COL11A1: variants seen among roughly 807,000 people sequenced by gnomAD.
COL11A1 encodes the protein collagen type XI alpha 1 chain.
In COL11A1, 74 loss-of-function variants were observed where a neutral mutation model predicts 265.2. The observed-to-expected ratio is 0.28, with a 90% CI of 0.23 to 0.34. The LOEUF (loss-of-function observed/expected upper bound fraction) is 0.34. Among genes scored for constraint, COL11A1 ranks in the 10% least tolerant of loss-of-function variants. The pLI is 1.00. For synonymous variants in COL11A1, 816 were observed against 727.6 expected, an observed-to-expected ratio of 1.12 and a Z score of -1.96; for missense variants, 2,165 against 2,263.6, an observed-to-expected ratio of 0.96 and a Z score of 0.88.
At position 103,082,826 on chromosome 1, in the gene COL11A1, G is replaced by A; in HGVS notation, c.253C>T (p.Pro85Ser). The change falls in exon 2 of 67, where the codon CCA becomes TCA. Residue 85 changes from proline (P) to serine (S), a missense_variant. Pro to Ser is a moderately conservative substitution (Grantham distance 74). Transcript: ENST00000370096. ...ATACCTGGAAATAACTGTTTTGTTG[G>A]GGCACTGAGTTGTGCTTGCTTTGAA... is the stretch of plus-strand genomic sequence containing the variant. The part of the protein sequence containing the change: ...RVSKQAQLSA[P>S]TKQLFPGGTF... The A allele has an allele frequency of 6.2e-7, 1 of 1,613,062 alleles. No individual in the cohort carries two copies. The highest frequency in any genetic ancestry group is 8.5e-7 in the Non-Finnish European group (1 of 1,179,374).
intron 65 of COL11A1, 44 bp from the exon 66 acceptor site, chr1:102,879,960 CT>C (rs747499113): frequency 1.6e-6 from 2 of 1,263,474 alleles, no homozygotes; most frequent in East Asian, 2.3e-5. Flanking sequence ...CTCTTTTCCT[CT>C]TTTATGCTAC....
At chr1:102,901,407 G>C (rs1248710340) in intron 54 of COL11A1, among the ~76,000 whole-genome samples, 2 of 151,444 alleles carry the variant, frequency 1.3e-5, no homozygotes, top group African/African-American at 4.9e-5. Context: ...GTATGACACT[G>C]CAACAAGGCC....
intron 4 of COL11A1, among the ~76,000 whole-genome samples, chr1:103,038,181 G>A (rs571728849): frequency 1.6e-4 from 25 of 152,294 alleles, no homozygotes; most frequent in African/African-American, 6.0e-4. Flanking sequence ...CAGAGACGTA[G>A]GTCAGGTGTA....
At chr1:102,942,093 G>C (rs550560262) in intron 42 of COL11A1, among the ~76,000 whole-genome samples, 25 of 152,070 alleles carry the variant, frequency 1.6e-4, no homozygotes, top group Non-Finnish European at 3.4e-4. Flanking sequence ...TGTCACTCTG[G>C]AGACCTTTTA....
At chr1:103,002,084 A>G in intron 23 of COL11A1, 115 bp from the exon 24 acceptor site, 2 of 887,214 alleles carry the variant, frequency 2.3e-6, no homozygotes, top group Non-Finnish European at 3.7e-6. Context: ...ATCTGTATAT[A>G]TTCCCATACA....
At chr1:102,894,952 T>C (rs1652236534) in intron 57 of COL11A1, among the ~76,000 whole-genome samples, 1 of 152,118 alleles carries the variant, frequency 6.6e-6, no homozygotes, top group Non-Finnish European at 1.5e-5. Context: ...TTATGTGCTA[T>C]TTGTCAATCT....
At chr1:102,929,683 A>G (rs1412948499) in intron 46 of COL11A1, among the ~76,000 whole-genome samples, 1 of 151,990 alleles carries the variant, frequency 6.6e-6, no homozygotes, top group Non-Finnish European at 1.5e-5. Flanking sequence ...TACCTTGGGC[A>G]GTATGGCCAT....
chr1:102,913,641 T>G lies in COL11A1; in HGVS notation c.4028A>C (p.Gln1343Pro), dbSNP rs145997317. Residue 1343 changes from glutamine to proline, a missense_variant, in exon 53 of 67, where the codon CAA becomes CCA. Physicochemically the swap from Gln to Pro is moderately conservative, Grantham distance 76 (BLOSUM62 -1). Transcript: ENST00000370096. ...GDKGEDGDPG[Q>P]PGPPGPSGEA... The stretch of plus-strand genomic sequence containing the variant: ...TAAATTAGTGCATTTACTCACCGGT[T>G]GACCAGGATCTCCATCTTCACCCTT... 9 of 1,613,320 alleles carry G rather than the reference T, an allele frequency of 5.6e-6. No individual in the cohort carries two copies. In the African/African-American group the frequency reaches 1.2e-4, roughly 22 times the overall value.
intron 41 of COL11A1, 29 bp from the exon 42 acceptor site, chr1:102,946,985 T>C: frequency 6.4e-7 from 1 of 1,559,900 alleles, no homozygotes; most frequent in South Asian, 1.1e-5. Flanking sequence ...AGTATTTTGT[T>C]ATTAAAGAAA....
chr1:103,077,480 A>G (rs955788897), intron 3 of COL11A1, among the ~76,000 whole-genome samples: 1 of 152,112 alleles, frequency 6.6e-6, no homozygotes, highest in African/African-American at 2.4e-5. Context: ...ACGTGCTATT[A>G]TATCTAATTT....
At chr1:103,019,014 G>A (rs1219702065) in intron 9 of COL11A1, among the ~76,000 whole-genome samples, 155 bp from the exon 10 acceptor site, 1 of 151,914 alleles carries the variant, frequency 6.6e-6, no homozygotes, top group Non-Finnish European at 1.5e-5. Flanking sequence ...GCACAGGGAA[G>A]GAAAGAAATT....
chr1:102,934,580 T>C, intron 45 of COL11A1, 24 bp from the exon 46 acceptor site: 1 of 1,559,942 alleles, frequency 6.4e-7, no homozygotes. Context: ...AGAAACATTA[T>C]CACAAACTGG....
At chr1:103,006,415 C>T (rs368695641) in intron 15 of COL11A1, 100 bp from the exon 16 acceptor site, 195 of 764,692 alleles carry the variant, frequency 2.6e-4, no homozygotes, top group African/African-American at 2.4e-3. Context: ...ATCCTCTTAG[C>T]GTTACCTTAA....
At chr1:102,979,526 C>T (rs1662833835) in intron 31 of COL11A1, 91 bp from the exon 32 acceptor site, 11 of 840,066 alleles carry the variant, frequency 1.3e-5, no homozygotes, top group Admixed American at 7.5e-5. Flanking sequence ...GTGATTTTCA[C>T]ACAGCTGTTA....
At chr1:103,039,970 A>G (rs1425646719) in intron 4 of COL11A1, among the ~76,000 whole-genome samples, 4 of 152,126 alleles carry the variant, frequency 2.6e-5, no homozygotes, top group Non-Finnish European at 4.4e-5. Flanking sequence ...TATCATCATC[A>G]TAGACACCCC....
intron 4 of COL11A1, among the ~76,000 whole-genome samples, chr1:103,045,945 C>A (rs1166483182): frequency 6.6e-6 from 1 of 151,786 alleles, no homozygotes; most frequent in Non-Finnish European, 1.5e-5. Context: ...AGGACATGAA[C>A]TCATCATTTT....
At chr1:103,104,068 A>G (rs1674502999) in intron 1 of COL11A1, among the ~76,000 whole-genome samples, 1 of 152,100 alleles carries the variant, frequency 6.6e-6, no homozygotes, top group African/African-American at 2.4e-5. Context: ...TTTATTGAGA[A>G]GGTAAGATTG....
chr1:102,925,740 A>G (rs1656526105), intron 46 of COL11A1, among the ~76,000 whole-genome samples: 1 of 152,072 alleles, frequency 6.6e-6, no homozygotes, highest in Non-Finnish European at 1.5e-5. Context: ...AATTTGATGA[A>G]ACACATAAAC....
At chr1:102,927,983 A>G in intron 46 of COL11A1, among the ~76,000 whole-genome samples, 1 of 152,134 alleles carries the variant, frequency 6.6e-6, no homozygotes, top group East Asian at 1.9e-4. Context: ...AAAGGAAGCG[A>G]AAGTGTCTCC....
Sources: gnomAD v4.1 joint callset for allele counts (sites outside exome capture counted in the v4.1 genomes callset) on GRCh38, gnomAD v4.1.1 for gene constraint, MANE v1.5 for transcripts, NCBI Gene and HGNC (gene_info 2026-07-23, HGNC 2026-07-21) for gene names.